The following NCK2 variants were observed in gnomAD, a reference collection of about 807,000 sequenced individuals.
The protein encoded by NCK2 is cytoplasmic protein NCK2.
A neutral mutation model predicts 33.9 loss-of-function variants in NCK2; 16 were observed. The observed-to-expected ratio is 0.47, with a 90% CI of 0.32 to 0.72. The LOEUF (loss-of-function observed/expected upper bound fraction) is 0.72, where lower values mean the gene tolerates loss of function less well. Among genes scored for constraint, NCK2 ranks in the 30% least tolerant of loss-of-function variants. NCK2 has a pLI of 0.03. For synonymous variants in NCK2, 273 were observed against 239.9 expected (o/e 1.14, Z -1.27); for missense variants, 418 against 537.3 (o/e 0.78, Z 2.19).
At chr2:105,827,877 A>G (rs1372788898) in intron 2 of NCK2, among the ~76,000 whole-genome samples, 5 of 152,228 alleles carry the variant, frequency 3.3e-5, no homozygotes, top group Admixed American at 3.3e-4. Context: ...ATGATGAAAT[A>G]GTCTTGATTG....
chr2:105,746,053 A>G lies in NCK2; in HGVS notation c.-201+915A>G, dbSNP rs530943560. Among the ~76,000 whole-genome samples the G allele has an allele frequency of 2.3e-3, 343 of 152,324 alleles. 5 individuals are homozygous for G. Among genetic ancestry groups the G allele is most frequent in the Non-Finnish European group, 5.1e-4 (35 of 68,036 alleles). On this transcript the variant is annotated intron_variant, in intron 1 of 4. Transcript: ENST00000233154. ...TTGGCTGGTGGACCCCAGGCACCTG[A>G]CTTAAACTAGTATTGTAACAGCTTC...
intron 1 of NCK2, among the ~76,000 whole-genome samples, chr2:105,764,416 C>T (rs965253892): frequency 2.0e-5 from 3 of 152,248 alleles, no homozygotes; most frequent in African/African-American, 7.2e-5. Context: ...AGGACTGCAT[C>T]CCTGCAGGAG....
At chr2:105,780,042 C>T (rs995836270) in intron 1 of NCK2, among the ~76,000 whole-genome samples, 1 of 152,082 alleles carries the variant, frequency 6.6e-6, no homozygotes, top group Non-Finnish European at 1.5e-5. Flanking sequence ...CTCTAATTTC[C>T]GTTTTTCCAG....
At chr2:105,859,042 G>T (rs1677406377) in intron 3 of NCK2, among the ~76,000 whole-genome samples, 1 of 152,174 alleles carries the variant, frequency 6.6e-6, no homozygotes, top group South Asian at 2.1e-4. Context: ...GTGGAGAGCG[G>T]TCCTGGGCTG....
chr2:105,772,382 A>C (rs1046256145), intron 1 of NCK2, among the ~76,000 whole-genome samples: 9 of 152,138 alleles, frequency 5.9e-5, no homozygotes, highest in African/African-American at 2.2e-4. Context: ...ACCTAGAAAA[A>C]GGAAAATGTT....
At chr2:105,759,277 A>G (rs1206600388) in intron 1 of NCK2, among the ~76,000 whole-genome samples, 1 of 152,220 alleles carries the variant, frequency 6.6e-6, no homozygotes, top group Non-Finnish European at 1.5e-5. Context: ...TCAAGTACAC[A>G]TAGTACGTTC....
At chr2:105,847,830 G>T (rs1475738672) in intron 2 of NCK2, among the ~76,000 whole-genome samples, 1 of 151,936 alleles carries the variant, frequency 6.6e-6, no homozygotes, top group Non-Finnish European at 1.5e-5. Context: ...AGATGCTGTG[G>T]TTGCATCAAA....
chr2:105,876,912 C>T (rs1037780951), intron 3 of NCK2, among the ~76,000 whole-genome samples: 1 of 152,146 alleles, frequency 6.6e-6, no homozygotes, highest in Non-Finnish European at 1.5e-5. Context: ...GACTTGCCCT[C>T]GGTCTGGACG....
intron 2 of NCK2, among the ~76,000 whole-genome samples, chr2:105,853,413 A>G (rs1033521583): frequency 1.3e-5 from 2 of 152,154 alleles, no homozygotes; most frequent in African/African-American, 4.8e-5. Flanking sequence ...GAAAAATGTT[A>G]TGTTCACTTT....
chr2:105,780,181 T>G (rs1690442700), intron 1 of NCK2, among the ~76,000 whole-genome samples: 1 of 152,218 alleles, frequency 6.6e-6, no homozygotes, highest in Non-Finnish European at 1.5e-5. Flanking sequence ...AAATATTTAT[T>G]GTAGAATATT....
At chr2:105,883,581 C>T (rs148908691) in intron 4 of NCK2, among the ~76,000 whole-genome samples, 98 of 152,122 alleles carry the variant, frequency 6.4e-4, no homozygotes, top group African/African-American at 2.2e-3. Context: ...AGGTGTTCTC[C>T]GGGGTTGCTG....
At chr2:105,880,936 A>ATT (rs59005322) in intron 3 of NCK2, among the ~76,000 whole-genome samples, 3,623 of 102,714 alleles carry the variant, frequency 0.035, 279 homozygotes, top group Admixed American at 0.055. Flanking sequence ...CAGGTGGCTA[A>ATT]TTTTTTTTTT....
chr2:105,813,663 G>A (rs2104476278), intron 1 of NCK2, among the ~76,000 whole-genome samples: 1 of 152,344 alleles, frequency 6.6e-6, no homozygotes, highest in South Asian at 2.1e-4. Context: ...GACAAGTAGT[G>A]TGGCCTGGCA....
chr2:105,768,151 C>T (rs1295461707), intron 1 of NCK2, among the ~76,000 whole-genome samples: 1 of 152,228 alleles, frequency 6.6e-6, no homozygotes, highest in Non-Finnish European at 1.5e-5. Context: ...CAAAATATTT[C>T]AACATATACT....
chr2:105,794,283 C>T (rs1438372231), intron 1 of NCK2, among the ~76,000 whole-genome samples: 4 of 151,908 alleles, frequency 2.6e-5, no homozygotes, highest in South Asian at 4.2e-4. Context: ...AACTCCTGAC[C>T]GCAAGTGATC....
At chr2:105,764,709 T>C (rs546856546) in intron 1 of NCK2, among the ~76,000 whole-genome samples, 2 of 152,362 alleles carry the variant, frequency 1.3e-5, no homozygotes, top group Admixed American at 6.5e-5. Context: ...ATACTGACTC[T>C]TAAGCATAGT....
intron 2 of NCK2, among the ~76,000 whole-genome samples, chr2:105,835,315 T>A (rs1261966718): frequency 6.8e-6 from 1 of 146,296 alleles, no homozygotes; most frequent in East Asian, 2.0e-4. Flanking sequence ...TTATTTCTTC[T>A]TCCTTTTTGA....
At chr2:105,777,869 C>T (rs1406582597) in intron 1 of NCK2, among the ~76,000 whole-genome samples, 1 of 152,198 alleles carries the variant, frequency 6.6e-6, no homozygotes, top group East Asian at 1.9e-4. Context: ...AAGAGAGGAT[C>T]GGTACTGGGG....
At chr2:105,849,246 T>C (rs906863650) in intron 2 of NCK2, among the ~76,000 whole-genome samples, 1 of 152,096 alleles carries the variant, frequency 6.6e-6, no homozygotes. Flanking sequence ...AGTAAAAAAC[T>C]AGCAGGGCGC....
Sources: gnomAD v4.1 joint callset for allele counts (sites outside exome capture counted in the v4.1 genomes callset) on GRCh38, gnomAD v4.1.1 for gene constraint, MANE v1.5 for transcripts, NCBI Gene and HGNC (gene_info 2026-07-23, HGNC 2026-07-21) for gene names.